The following IBSP variants were observed in gnomAD, a reference collection of about 807,000 sequenced individuals.
IBSP encodes the protein integrin binding sialoprotein, also known as integrin-binding sialoprotein.
Under a neutral mutation model 25.5 loss-of-function variants are expected in IBSP, and 19 were observed. That is an observed-to-expected ratio of 0.74 (90% CI 0.52 to 1.09). The LOEUF (loss-of-function observed/expected upper bound fraction) is 1.09. IBSP is among the 50% of genes least tolerant of loss of function. The probability of loss-of-function intolerance (pLI) is 0.00; values close to 1 mark genes in which losing one functional copy is unlikely to be tolerated. For synonymous variants in IBSP, 144 were observed against 137.6 expected, an observed-to-expected ratio of 1.05 and a Z score of -0.33; for missense variants, 360 against 382.3, an observed-to-expected ratio of 0.94 and a Z score of 0.49.
At chr4:87,805,198 G>C (rs1241498954) in intron 4 of IBSP, among the ~76,000 whole-genome samples, 1 of 152,158 alleles carries the variant, frequency 6.6e-6, no homozygotes, top group Non-Finnish European at 1.5e-5. Flanking sequence ...TCCTTCTGCA[G>C]CTATATTTTC....
chr4:87,805,886 T>G (rs1475872803), intron 4 of IBSP, among the ~76,000 whole-genome samples: 2 of 152,224 alleles, frequency 1.3e-5, no homozygotes, highest in Non-Finnish European at 2.9e-5. Flanking sequence ...CATATCTTGA[T>G]CATAGTAAAA....
chr4:87,801,180 C>A (rs1230972234), intron 1 of IBSP, among the ~76,000 whole-genome samples: 1 of 152,126 alleles, frequency 6.6e-6, no homozygotes, highest in African/African-American at 2.4e-5. Flanking sequence ...TTGAGAGCTG[C>A]ATCTTCGATT....
chr4:87,809,513 C>T (rs1722139126), intron 5 of IBSP, among the ~76,000 whole-genome samples: 1 of 63,724 alleles, frequency 1.6e-5, no homozygotes, highest in South Asian at 3.5e-4. Context: ...AAACATAAAA[C>T]AATAAACAAA....
chr4:87,811,648 CA>C lies in IBSP; in HGVS notation c.695del (p.Asn232MetfsTer115). 1 of 1,613,768 alleles carries C rather than the reference CA, an allele frequency of 6.2e-7. No individual in the cohort carries two copies. Among genetic ancestry groups the C allele is most frequent in the Non-Finnish European group, 8.5e-7 (1 of 1,179,940 alleles). On this transcript the variant is annotated frameshift_variant, in exon 7 of 7. Transcript: ENST00000226284. LOFTEE classifies it low-confidence loss of function (END_TRUNC). The part of the protein sequence containing the change: ...GKGTSKTTTS[P>X]NGGFEPTTPP... ...GGCACCTCGAAGACAACAACCTCTC[CA>C]AATGGTGGGTTTGAACCTACAACCC...
In IBSP at chr4:87,811,721, C is replaced by T. The variant is rs1722176768; in HGVS notation, c.765C>T (p.Thr255=). Residue 255 remains threonine (T), a synonymous_variant, in exon 7 of 7, where the codon ACC becomes ACT. Coordinates refer to ENST00000226284, the MANE Select transcript of IBSP (RefSeq NM_004967.4). ...RTTSPPFGKT[T]TVEYEGEYEY... is the part of the protein sequence containing the mutation. ...CTTCCCCACCTTTTGGGAAAACCAC[C>T]ACCGTTGAATACGAGGGGGAGTACG... The T allele has an allele frequency of 6.2e-7, 1 of 1,613,910 alleles. No homozygotes were observed. Among genetic ancestry groups the T allele is most frequent in the Non-Finnish European group, 8.5e-7 (1 of 1,179,992 alleles).
intron 1 of IBSP, 46 bp from the exon 2 acceptor site, chr4:87,802,302 T>C: frequency 8.4e-7 from 1 of 1,187,342 alleles, no homozygotes; most frequent in Non-Finnish European, 1.2e-6. Context: ...AAAGTTATGC[T>C]CTTAGTTTTA....
chr4:87,808,668 T>G (rs1560527563), intron 5 of IBSP, among the ~76,000 whole-genome samples: 2 of 152,322 alleles, frequency 1.3e-5, no homozygotes, highest in East Asian at 3.9e-4. Flanking sequence ...TCTTAATAGA[T>G]TGACTTTGGC....
intron 5 of IBSP, among the ~76,000 whole-genome samples, chr4:87,809,977 A>G (rs113097355): frequency 0.038 from 5,790 of 152,314 alleles, 356 homozygotes; most frequent in African/African-American, 0.13. Flanking sequence ...CATGCCTGTA[A>G]TCCCAGCACT....
chr4:87,801,751 C>T (rs1218249287), intron 1 of IBSP, among the ~76,000 whole-genome samples: 1 of 152,052 alleles, frequency 6.6e-6, no homozygotes, highest in Non-Finnish European at 1.5e-5. Context: ...GCCTCCCAGG[C>T]TCAGCCTCTC....
intron 1 of IBSP, among the ~76,000 whole-genome samples, chr4:87,802,139 A>T (rs1266028786): frequency 1.3e-5 from 2 of 152,200 alleles, no homozygotes; most frequent in African/African-American, 2.4e-5. Context: ...GGAACTCAAG[A>T]TTATTTAAAC....
chr4:87,799,988 T>A (rs760072758), intron 1 of IBSP, among the ~76,000 whole-genome samples: 2 of 152,194 alleles, frequency 1.3e-5, no homozygotes, highest in African/African-American at 2.4e-5. Flanking sequence ...ATATGCATAT[T>A]TCTCTACAAA....
In IBSP at chr4:87,811,825, A is replaced by G. The variant is rs1416755094; in HGVS notation, c.869A>G (p.Tyr290Cys). The change falls in exon 7 of 7, where the codon TAC becomes TGC. Residue 290 changes from tyrosine (Y) to cysteine (C), a missense_variant. Transcript: ENST00000226284. The part of the protein sequence containing the change: ...SENGEPRGDN[Y>C]RAYEDEYSYF... The stretch of plus-strand genomic sequence containing the variant: ...AACGGGGAACCTCGTGGGGACAATT[A>G]CCGAGCCTATGAAGATGAGTACAGC... 9.3e-6 allele frequency: 15 copies of G among 1,608,604 alleles called. No individual in the cohort carries two copies. The Admixed American group carries it at 2.5e-4, about 27-fold the overall frequency.
chr4:87,806,073 T>C, intron 4 of IBSP, 49 bp from the exon 5 acceptor site: 1 of 1,361,142 alleles, frequency 7.3e-7, no homozygotes, highest in Non-Finnish European at 1.0e-6. Flanking sequence ...TGCTGTTGAA[T>C]ATATTTGTAC....
intron 4 of IBSP, among the ~76,000 whole-genome samples, 193 bp from the exon 5 acceptor site, chr4:87,805,929 C>T (rs541517840): frequency 1.3e-5 from 2 of 152,310 alleles, no homozygotes; most frequent in Admixed American, 1.3e-4. Flanking sequence ...TTTTGCATGT[C>T]TAATCTCCTA....
In IBSP at chr4:87,802,560, T is replaced by A; in HGVS notation, c.105+2T>A. On this transcript the variant is annotated splice_donor_variant, in intron 3 of 6. Transcript: ENST00000226284. LOFTEE classifies it high-confidence loss of function. Reference sequence around the variant, plus strand: ...ATAGAGGATTCTGAAGAAAATGGGGTAATTAATTTTAGCATACTTCCTTGG... The same window carrying A: ...ATAGAGGATTCTGAAGAAAATGGGGAAATTAATTTTAGCATACTTCCTTGG... 2 of 1,603,496 alleles carry A rather than the reference T, an allele frequency of 1.2e-6. No homozygotes were observed. The highest frequency in any genetic ancestry group is 1.7e-6 in the Non-Finnish European group (2 of 1,175,668).
At chr4:87,805,455 T>G (rs1722076760) in intron 4 of IBSP, among the ~76,000 whole-genome samples, 1 of 152,196 alleles carries the variant, frequency 6.6e-6, no homozygotes, top group Admixed American at 6.5e-5. Flanking sequence ...TTACTTCACA[T>G]GTATAAATTA....
chr4:87,803,737 G>A (rs576831586), intron 4 of IBSP, among the ~76,000 whole-genome samples: 1 of 152,136 alleles, frequency 6.6e-6, no homozygotes, highest in Non-Finnish European at 1.5e-5. Flanking sequence ...AATTTGTGTG[G>A]CCACAAAAAT....
At chr4:87,810,965 A>G (rs1374153285) in intron 6 of IBSP, among the ~76,000 whole-genome samples, 1 of 152,194 alleles carries the variant, frequency 6.6e-6, no homozygotes, top group Non-Finnish European at 1.5e-5. Flanking sequence ...ATCTTCTCCC[A>G]GGCAAGTTCT....
intron 5 of IBSP, among the ~76,000 whole-genome samples, chr4:87,806,930 G>A (rs1187024607): frequency 6.6e-6 from 1 of 152,050 alleles, no homozygotes. Context: ...ACTTGAACCC[G>A]GAAGGTGGAG....
Sources: gnomAD v4.1 joint callset for allele counts (sites outside exome capture counted in the v4.1 genomes callset) on GRCh38, gnomAD v4.1.1 for gene constraint, MANE v1.5 for transcripts, NCBI Gene and HGNC (gene_info 2026-07-23, HGNC 2026-07-21) for gene names.